PEX14: variants seen among roughly 807,000 people sequenced by gnomAD.
PEX14 encodes the protein peroxisomal biogenesis factor 14.
PEX14 carries 15 observed loss-of-function variants against 49.5 expected under a neutral mutation model. The observed-to-expected ratio is 0.30, with a 90% CI of 0.20 to 0.47. The LOEUF (loss-of-function observed/expected upper bound fraction) is 0.47, where lower values mean the gene tolerates loss of function less well. PEX14 is among the 20% of genes least tolerant of loss of function. The probability of loss-of-function intolerance (pLI) is 1.00; values close to 1 mark genes in which losing one functional copy is unlikely to be tolerated. For synonymous variants in PEX14, 210 were observed against 212.7 expected (o/e 0.99, Z 0.11); for missense variants, 398 against 494.8 (o/e 0.80, Z 1.86).
chr1:10,491,013 TA>T (rs1641461937), intron 1 of PEX14, among the ~76,000 whole-genome samples: 1 of 151,348 alleles, frequency 6.6e-6, no homozygotes, highest in Non-Finnish European at 1.5e-5. Flanking sequence ...TTTTTTTTTT[TA>T]ATCATGGACT....
At chr1:10,523,512 A>G (rs531324384) in intron 2 of PEX14, among the ~76,000 whole-genome samples, 1 of 152,180 alleles carries the variant, frequency 6.6e-6, no homozygotes, top group East Asian at 1.9e-4. Context: ...ATAAAATGGC[A>G]CAGGTAGGGG....
chr1:10,555,330 T>C (rs963063496), intron 3 of PEX14, among the ~76,000 whole-genome samples: 1 of 152,084 alleles, frequency 6.6e-6, no homozygotes, highest in African/African-American at 2.4e-5. Context: ...CTTCAGACAC[T>C]CACTCGAAGA....
At chr1:10,480,865 ATATATT>A (rs1641271772) in intron 1 of PEX14, among the ~76,000 whole-genome samples, 1 of 144,950 alleles carries the variant, frequency 6.9e-6, no homozygotes, top group African/African-American at 2.7e-5. Flanking sequence ...CTCTCTATAT[ATATATT>A]TTTTTTTTTG....
At chr1:10,547,140 G>A (rs1348074273) in intron 3 of PEX14, among the ~76,000 whole-genome samples, 1 of 152,146 alleles carries the variant, frequency 6.6e-6, no homozygotes, top group Non-Finnish European at 1.5e-5. Context: ...TGCAAGTGTT[G>A]TGTGACACCT....
At chr1:10,544,292 A>G (rs116132904) in intron 3 of PEX14, among the ~76,000 whole-genome samples, 1,994 of 152,270 alleles carry the variant, frequency 0.013, 50 homozygotes, top group African/African-American at 0.046. Context: ...TACATAGATG[A>G]AGAAATTGAG....
rs1169434975 is a variant in PEX14 at position 10,617,839 on chromosome 1, C to T, written c.299-493C>T. ...GGTCTAGTTTACCACAGCCCACCCC[C>T]GTGCCCCCACCCAGCGTACCACGGT... On this transcript the variant is annotated intron_variant, in intron 4 of 8. Coordinates refer to ENST00000356607, the MANE Select transcript of PEX14 (RefSeq NM_004565.3). Among the ~76,000 whole-genome samples, 6 of 152,322 alleles carry T rather than the reference C, an allele frequency of 3.9e-5. No individual in the cohort carries two copies. In the East Asian group the frequency reaches 5.8e-4, roughly 15 times the overall value.
chr1:10,536,513 G>A (rs573136323), intron 3 of PEX14: 10 of 569,324 alleles, frequency 1.8e-5, no homozygotes, highest in South Asian at 1.5e-4. Context: ...AATTAAGCAC[G>A]GATGACTTAG....
At chr1:10,499,699 G>A (rs1202562108) in intron 2 of PEX14, among the ~76,000 whole-genome samples, 9 of 151,992 alleles carry the variant, frequency 5.9e-5, no homozygotes, top group African/African-American at 1.7e-4. Flanking sequence ...TGCCCACCTT[G>A]GCCTCCCAAA....
intron 2 of PEX14, among the ~76,000 whole-genome samples, chr1:10,511,023 C>T (rs754768767): frequency 4.6e-5 from 7 of 152,040 alleles, no homozygotes; most frequent in Non-Finnish European, 7.4e-5. Flanking sequence ...CCCACCTCCT[C>T]GTTCTCCACA....
At chr1:10,526,990 G>T (rs1638503220) in intron 2 of PEX14, among the ~76,000 whole-genome samples, 1 of 152,084 alleles carries the variant, frequency 6.6e-6, no homozygotes, top group African/African-American at 2.4e-5. Context: ...GAGGTGGGCA[G>T]ATCACTTGAG....
At chr1:10,618,020 G>A (rs1641477553) in intron 4 of PEX14, among the ~76,000 whole-genome samples, 1 of 152,204 alleles carries the variant, frequency 6.6e-6, no homozygotes, top group Non-Finnish European at 1.5e-5. Flanking sequence ...AGACCATGCT[G>A]TTGGTCTTCA....
chr1:10,535,310 G>A (rs1280536945), intron 2 of PEX14, among the ~76,000 whole-genome samples: 2 of 152,192 alleles, frequency 1.3e-5, no homozygotes, highest in South Asian at 2.1e-4. Context: ...TACCTGCAGC[G>A]GTGCCCCTTC....
chr1:10,627,452 C>T, intron 8 of PEX14, 89 bp downstream of exon 8: 3 of 918,756 alleles, frequency 3.3e-6, no homozygotes, highest in Non-Finnish European at 5.4e-6. Flanking sequence ...TGACGCCCAC[C>T]CCCACCCCCA....
chr1:10,514,361 C>T lies in PEX14; in HGVS notation c.84+19040C>T, dbSNP rs1641937368. Among the ~76,000 whole-genome samples, 1 of 152,150 alleles carries T rather than the reference C, an allele frequency of 6.6e-6. No homozygotes were observed. Among genetic ancestry groups the T allele is most frequent in the African/African-American group, 2.4e-5 (1 of 41,426 alleles). The stretch of plus-strand genomic sequence containing the variant: ...GCCTGTGTACGCACGTGGTCGTCAC[C>T]CGCCAGAAAGATGCCATAGTGAGGT... On this transcript the variant is annotated intron_variant, in intron 2 of 8. Coordinates refer to ENST00000356607, the MANE Select transcript of PEX14 (RefSeq NM_004565.3). The surrounding 1 kb of genome is among the most constrained non-coding windows in gnomAD (Gnocchi z 4.4).
intron 3 of PEX14, among the ~76,000 whole-genome samples, chr1:10,571,292 C>T (rs1290337972): frequency 5.0e-5 from 7 of 141,214 alleles, no homozygotes; most frequent in Admixed American, 3.8e-4. Context: ...ATGTGTGTTA[C>T]TTTTCACTTC....
At chr1:10,553,056 A>G (rs1305476510) in intron 3 of PEX14, among the ~76,000 whole-genome samples, 1 of 152,170 alleles carries the variant, frequency 6.6e-6, no homozygotes, top group Non-Finnish European at 1.5e-5. Context: ...ACAGTGGGGA[A>G]ACCACGGAAA....
At chr1:10,565,275 C>T (rs1639770908) in intron 3 of PEX14, among the ~76,000 whole-genome samples, 1 of 152,134 alleles carries the variant, frequency 6.6e-6, no homozygotes, top group African/African-American at 2.4e-5. Flanking sequence ...TACTATTTTC[C>T]TCTGAAGTTT....
At chr1:10,570,075 A>G (rs773524404) in intron 3 of PEX14, among the ~76,000 whole-genome samples, 5 of 151,692 alleles carry the variant, frequency 3.3e-5, no homozygotes, top group Non-Finnish European at 7.4e-5. Flanking sequence ...TTTCTTTCCT[A>G]TCTTTTATCT....
At chr1:10,600,251 C>T (rs1261408532) in intron 4 of PEX14, among the ~76,000 whole-genome samples, 2 of 152,018 alleles carry the variant, frequency 1.3e-5, no homozygotes, top group African/African-American at 2.4e-5. Flanking sequence ...GAAACCCTGT[C>T]TCTACTAAAA....
Sources: gnomAD v4.1 joint callset for allele counts (sites outside exome capture counted in the v4.1 genomes callset) on GRCh38, gnomAD v4.1.1 for gene constraint, Gnocchi (gnomAD v3.1) non-coding constraint, MANE v1.5 for transcripts, NCBI Gene and HGNC (gene_info 2026-07-23, HGNC 2026-07-21) for gene names.